Variants in EPHA6 observed in about 807,000 individuals in gnomAD.
EPHA6 encodes ephrin type-A receptor 6.
A neutral mutation model predicts 112.0 loss-of-function variants in EPHA6; 50 were observed. The ratio of observed to expected loss-of-function variants is 0.45; its 90% CI spans 0.36 to 0.56. The LOEUF (loss-of-function observed/expected upper bound fraction) is 0.56. Among genes scored for constraint, EPHA6 ranks in the 20% least tolerant of loss-of-function variants. The probability of loss-of-function intolerance (pLI) is 0.00; values close to 1 mark genes in which losing one functional copy is unlikely to be tolerated. For synonymous variants in EPHA6, 529 were observed against 490.7 expected (o/e 1.08, Z -1.03); for missense variants, 1,280 against 1,417.4 (o/e 0.90, Z 1.56).
intron 2 of EPHA6, among the ~76,000 whole-genome samples, chr3:96,868,432 G>A (rs529844188): frequency 6.6e-6 from 1 of 151,736 alleles, no homozygotes; most frequent in East Asian, 1.9e-4. Flanking sequence ...AATAATCTAG[G>A]TATCAATATA....
rs988570461 is a variant in EPHA6, at chr3:97,757,691, C to T, written c.*8990C>T. Reference sequence around the variant, plus strand: ...GTTAAGCAGTTATATTAATTTTACACATACTCTTAAATGCTTAAAAACATA... The same window carrying T: ...GTTAAGCAGTTATATTAATTTTACATATACTCTTAAATGCTTAAAAACATA... On this transcript the variant is annotated 3_prime_UTR_variant, in exon 18 of 18. Transcript: ENST00000389672. 6.6e-6 allele frequency among the ~76,000 whole-genome samples: 1 copy of T among 151,810 alleles called. No individual in the cohort carries two copies. Among genetic ancestry groups the T allele is most frequent in the African/African-American group, 2.4e-5 (1 of 41,422 alleles).
At chr3:96,877,552 AC>A (rs958904306) in intron 2 of EPHA6, among the ~76,000 whole-genome samples, 2 of 152,022 alleles carry the variant, frequency 1.3e-5, no homozygotes, top group Non-Finnish European at 2.9e-5. Context: ...AAAAAATAGA[AC>A]ATATGGATTT....
chr3:97,487,621 C>T (rs2091728868), intron 10 of EPHA6, among the ~76,000 whole-genome samples: 1 of 152,166 alleles, frequency 6.6e-6, no homozygotes, highest in Non-Finnish European at 1.5e-5. Context: ...ATATTCTTAA[C>T]ATTCTCCTTC....
At chr3:97,554,688 G>GGA (rs1021704931) in intron 11 of EPHA6, among the ~76,000 whole-genome samples, 2 of 151,978 alleles carry the variant, frequency 1.3e-5, no homozygotes, top group Non-Finnish European at 2.9e-5. Context: ...TCCAGCCTCA[G>GGA]GAGGTAGAAC....
intron 11 of EPHA6, among the ~76,000 whole-genome samples, chr3:97,547,910 T>C (rs1240577452): frequency 1.3e-5 from 2 of 152,174 alleles, no homozygotes; most frequent in East Asian, 1.9e-4. Flanking sequence ...TTTAAGCCCA[T>C]TGGAAAAGCA....
At chr3:97,589,590 C>T (rs552670547) in intron 11 of EPHA6, among the ~76,000 whole-genome samples, 1 of 152,214 alleles carries the variant, frequency 6.6e-6, no homozygotes, top group South Asian at 2.1e-4. Context: ...TCACTAAATA[C>T]TAGGAATGCC....
chr3:97,306,325 C>G (rs1376079398), intron 5 of EPHA6, among the ~76,000 whole-genome samples: 1 of 137,066 alleles, frequency 7.3e-6, no homozygotes, highest in Non-Finnish European at 1.5e-5. Flanking sequence ...AAGTGTTCCT[C>G]TTATCTATTG....
chr3:96,841,099 C>T (rs992748701), intron 1 of EPHA6, among the ~76,000 whole-genome samples: 1 of 151,894 alleles, frequency 6.6e-6, no homozygotes, highest in Non-Finnish European at 1.5e-5. Context: ...AGATGTGAGA[C>T]ATCAATCAAT....
chr3:96,893,715 A>G (rs2038107336), intron 2 of EPHA6, among the ~76,000 whole-genome samples: 1 of 152,236 alleles, frequency 6.6e-6, no homozygotes, highest in Admixed American at 6.5e-5. Context: ...TCTAGCATGA[A>G]GACCAGACAC....
intron 7 of EPHA6, among the ~76,000 whole-genome samples, chr3:97,451,592 T>TAAA (rs36039216): frequency 1.5e-5 from 2 of 132,118 alleles, no homozygotes; most frequent in Non-Finnish European, 1.7e-5. Context: ...AAAGGATCAT[T>TAAA]AAAAAAAAAA....
At chr3:96,934,853 AC>A (rs2040499438) in intron 2 of EPHA6, among the ~76,000 whole-genome samples, 1 of 151,730 alleles carries the variant, frequency 6.6e-6, no homozygotes, top group South Asian at 2.1e-4. Context: ...GTTAGAAAAA[AC>A]ATCCTTTAAG....
chr3:96,820,463 A>G (rs892804655), intron 1 of EPHA6, among the ~76,000 whole-genome samples: 1 of 152,012 alleles, frequency 6.6e-6, no homozygotes, highest in Non-Finnish European at 1.5e-5. Flanking sequence ...AGAGAAGAAG[A>G]TGGGTTTGAA....
chr3:97,590,668 C>T (rs1243678174), intron 11 of EPHA6, among the ~76,000 whole-genome samples: 2 of 151,988 alleles, frequency 1.3e-5, no homozygotes, highest in Non-Finnish European at 1.5e-5. Flanking sequence ...ACTGAGTTTC[C>T]TATTACTTGG....
intron 3 of EPHA6, among the ~76,000 whole-genome samples, chr3:97,044,030 GGCC>G (rs1260568669): frequency 6.6e-6 from 1 of 152,118 alleles, no homozygotes; most frequent in Non-Finnish European, 1.5e-5. Flanking sequence ...TCCAATGTAT[GGCC>G]TTTCAGCCAA....
intron 5 of EPHA6, among the ~76,000 whole-genome samples, chr3:97,396,008 C>T (rs987245695): frequency 6.6e-6 from 1 of 151,462 alleles, no homozygotes; most frequent in Non-Finnish European, 1.5e-5. Flanking sequence ...TAGAGGTTTA[C>T]AAAAAGGAAT....
intron 14 of EPHA6, among the ~76,000 whole-genome samples, chr3:97,661,789 T>A (rs1440716594): frequency 6.6e-6 from 1 of 152,168 alleles, no homozygotes; most frequent in African/African-American, 2.4e-5. Flanking sequence ...TCTGAATATC[T>A]CTTTGGTGCT....
intron 2 of EPHA6, among the ~76,000 whole-genome samples, chr3:96,954,462 C>A (rs2041675865): frequency 6.6e-6 from 1 of 152,102 alleles, no homozygotes; most frequent in African/African-American, 2.4e-5. Context: ...TGCTTGCTCC[C>A]AAGTTATGTT....
At chr3:97,498,684 G>A (rs145867615) in intron 10 of EPHA6, among the ~76,000 whole-genome samples, 2 of 152,284 alleles carry the variant, frequency 1.3e-5, no homozygotes, top group East Asian at 3.9e-4. Flanking sequence ...TCAACCCCCA[G>A]GCTGTGGGCT....
At chr3:97,483,825 T>C (rs780950999) in intron 9 of EPHA6, 109 bp from the exon 10 acceptor site, 21 of 1,152,856 alleles carry the variant, frequency 1.8e-5, no homozygotes, top group Non-Finnish European at 2.2e-5. Flanking sequence ...CTTTAAATCA[T>C]TATCAAGACT....
Sources: allele counts gnomAD v4.1 joint callset (sites outside exome capture counted in the v4.1 genomes callset), GRCh38; gene constraint gnomAD v4.1.1; transcripts MANE v1.5; gene names NCBI Gene and HGNC (gene_info 2026-07-23, HGNC 2026-07-21).